The following REG1A variants were observed in gnomAD, a reference collection of about 807,000 sequenced individuals.
REG1A encodes the protein lithostathine-1-alpha.
A neutral mutation model predicts 20.7 loss-of-function variants in REG1A; 20 were observed. The ratio of observed to expected loss-of-function variants is 0.97; its 90% CI spans 0.68 to 1.41. The LOEUF (loss-of-function observed/expected upper bound fraction) is 1.41, where lower values mean the gene tolerates loss of function less well. Ranked by LOEUF, REG1A falls within the 40% of genes most tolerant of loss-of-function variation. The pLI is 0.00. For synonymous variants in REG1A, 90 were observed against 71.6 expected (o/e 1.26, Z -1.30); for missense variants, 193 against 201.8 (o/e 0.96, Z 0.26).
chr2:79,121,359 C>T (rs979886408), intron 2 of REG1A, among the ~76,000 whole-genome samples: 1 of 152,154 alleles, frequency 6.6e-6, no homozygotes. Flanking sequence ...AGACTTGTTT[C>T]TTTGGCCTAT....
intron 5 of REG1A, 33 bp downstream of exon 5, chr2:79,122,985 G>T: frequency 1.3e-6 from 2 of 1,576,428 alleles, no homozygotes; most frequent in South Asian, 1.1e-5. Flanking sequence ...ACCTGTTTCT[G>T]TTCTCTCCTG....
chr2:79,121,976 C>T lies in REG1A; in HGVS notation c.184-12C>T, dbSNP rs768378827. 6.2e-7 allele frequency: 1 copy of T among 1,613,220 alleles called. No homozygotes were observed. The highest frequency in any genetic ancestry group is 1.7e-5 in the Admixed American group (1 of 59,942). On this transcript the variant is annotated splice_polypyrimidine_tract_variant and intron_variant, in intron 3 of 5. Coordinates refer to ENST00000233735, the MANE Select transcript of REG1A (RefSeq NM_002909.5). ...CCTCCTCCACTGAGTGCTCCATTTT[C>T]TTCTGCAACAGCTCTATTGCCAGAA...
At chr2:79,121,034 A>G in intron 2 of REG1A, 109 bp downstream of exon 2, 1 of 869,464 alleles carries the variant, frequency 1.2e-6, no homozygotes, top group Non-Finnish European at 1.8e-6. Flanking sequence ...GTCACTGTTA[A>G]GGGTTGTTTT....
rs920612116 is a variant in REG1A, at chr2:79,123,337, T to C, written c.*122T>C. On this transcript the variant is annotated 3_prime_UTR_variant, in exon 6 of 6. Coordinates refer to ENST00000233735, the MANE Select transcript of REG1A (RefSeq NM_002909.5). The stretch of plus-strand genomic sequence containing the variant: ...ACTCTCTTCTCTGCTGAGTTTGCCT[T>C]GTTAATCTTCAATAGTTTTACCTAC... 2 of 601,156 alleles carry C rather than the reference T, an allele frequency of 3.3e-6. No individual in the cohort carries two copies. Among genetic ancestry groups the C allele is most frequent in the Admixed American group, 6.1e-5 (2 of 32,554 alleles). 37.2% of individuals were successfully genotyped at this position (601,156 alleles called of 1,614,324 possible).
chr2:79,122,871 C>G lies in REG1A; in HGVS notation c.352C>G (p.Leu118Val). ...CCGCTGGCACTGGAGCAGTGGGTCCCTGGTCTCCTACAAGTCCTGGGGCAT... is the reference window on the plus strand; with the variant it reads ...CCGCTGGCACTGGAGCAGTGGGTCCGTGGTCTCCTACAAGTCCTGGGGCAT... The part of the protein sequence containing the change: ...NRRWHWSSGS[L>V]VSYKSWGIGA... The change falls in exon 5 of 6, where the codon CTG becomes GTG. Residue 118 changes from leucine (L) to valine (V), a missense_variant. Physicochemically the swap from Leu to Val is conservative, Grantham distance 32 (BLOSUM62 1). Coordinates refer to ENST00000233735, the MANE Select transcript of REG1A (RefSeq NM_002909.5). 6.2e-7 allele frequency: 1 copy of G among 1,613,718 alleles called. No homozygotes were observed.
rs778044244 is a variant in REG1A, at chr2:79,121,819, C to T, written c.183+139C>T. 2.3e-6 allele frequency: 3 copies of T among 1,332,426 alleles called. No individual in the cohort carries two copies. In the South Asian group the frequency reaches 3.5e-5, roughly 16 times the overall value. 82.5% of individuals were successfully genotyped at this position (1,332,426 alleles called of 1,614,324 possible). On this transcript the variant is annotated intron_variant, in intron 3 of 5. Coordinates refer to ENST00000233735, the MANE Select transcript of REG1A (RefSeq NM_002909.5). ...CATCAGCCCCAAACTTTCCAATCTA[C>T]TTTATCCCATTATTCAGCACATTCC...
At chr2:79,123,055 A>T (rs1014465545) in intron 5 of REG1A, 93 bp from the exon 6 acceptor site, 8 of 1,442,838 alleles carry the variant, frequency 5.5e-6, no homozygotes, top group Non-Finnish European at 6.8e-6. Context: ...CTCATTAAGG[A>T]AATGGATGTT....
Position 79,123,278 on chromosome 2 carries a change from C to A in REG1A, c.*63C>A, listed in dbSNP as rs2104066463. On this transcript the variant is annotated 3_prime_UTR_variant, in exon 6 of 6. Coordinates refer to ENST00000233735, the MANE Select transcript of REG1A (RefSeq NM_002909.5). Reference sequence around the variant, plus strand: ...AATTACAACGGAGTCAAAAATTAAACCGGACCATCTCTCCAACTCAACTCA... The same window carrying A: ...AATTACAACGGAGTCAAAAATTAAAACGGACCATCTCTCCAACTCAACTCA... 1 of 1,066,236 alleles carries A rather than the reference C, an allele frequency of 9.4e-7. No individual in the cohort carries two copies. Among genetic ancestry groups the A allele is most frequent in the South Asian group, 1.4e-5 (1 of 69,880 alleles). The allele number at this position is 1,066,236 out of a possible 1,614,324, so 66.0% of individuals were successfully genotyped here.
chr2:79,123,261 C>T lies in REG1A; in HGVS notation c.*46C>T, dbSNP rs374417047. On this transcript the variant is annotated 3_prime_UTR_variant, in exon 6 of 6. Coordinates refer to ENST00000233735, the MANE Select transcript of REG1A (RefSeq NM_002909.5). The stretch of plus-strand genomic sequence containing the variant: ...TCTAGAACTGATCCAGCAATTACAA[C>T]GGAGTCAAAAATTAAACCGGACCAT... The T allele has an allele frequency of 6.2e-5, 80 of 1,290,192 alleles. No individual in the cohort carries two copies. The highest frequency in any genetic ancestry group is 3.7e-4 in the South Asian group (29 of 77,656). The allele number at this position is 1,290,192 out of a possible 1,614,324, so 79.9% of individuals were successfully genotyped here. A position where few individuals can be genotyped will look rare whatever the true frequency, so the allele number is the denominator to read the frequency against.
In REG1A at chr2:79,121,623, C is replaced by G. The variant is rs1244735643; in HGVS notation, c.126C>G (p.Ala42=). Residue 42 remains alanine, a synonymous_variant, in exon 3 of 6, where the codon GCC becomes GCG. Transcript: ENST00000233735. ...TCAGCTGCCCAGAAGGCACCAATGC[C>G]TATCGCTCCTACTGCTACTACTTTA... The part of the protein sequence containing the change: ...ARISCPEGTN[A]YRSYCYYFNE... 1.2e-6 allele frequency: 2 copies of G among 1,614,128 alleles called. No homozygotes were observed. The highest frequency in any genetic ancestry group is 2.2e-5 in the East Asian group (1 of 44,856).
At chr2:79,122,795 T>C (rs1186444969) in intron 4 of REG1A, 46 bp from the exon 5 acceptor site, 1 of 1,309,170 alleles carries the variant, frequency 7.6e-7, no homozygotes, top group East Asian at 2.3e-5. Flanking sequence ...TGATTCCATG[T>C]ATTTTTGAGT....
At chr2:79,122,242 A>T in intron 4 of REG1A, 117 bp downstream of exon 4, 1 of 1,140,276 alleles carries the variant, frequency 8.8e-7, no homozygotes, top group Admixed American at 2.4e-5. Flanking sequence ...GGCTGTTTAC[A>T]GATCCTCTAA....
At chr2:79,121,746 G>A in intron 3 of REG1A, 66 bp downstream of exon 3, 1 of 1,464,848 alleles carries the variant, frequency 6.8e-7, no homozygotes, top group Non-Finnish European at 9.6e-7. Flanking sequence ...ACTCTCCAGT[G>A]TGTTCAGTGG....
In REG1A at chr2:79,123,242, A is replaced by G. The variant is rs923900497; in HGVS notation, c.*27A>G. On this transcript the variant is annotated 3_prime_UTR_variant, in exon 6 of 6. Coordinates refer to ENST00000233735, the MANE Select transcript of REG1A (RefSeq NM_002909.5). ...GGCAACTGGAAAATACATGTCTAGA[A>G]CTGATCCAGCAATTACAACGGAGTC... The G allele has an allele frequency of 4.8e-6, 7 of 1,462,528 alleles. No individual in the cohort carries two copies. The African/African-American group carries it at 9.8e-5, about 21-fold the overall frequency. The allele number at this position is 1,462,528 out of a possible 1,614,324, so 90.6% of individuals were successfully genotyped here.
In REG1A at chr2:79,123,272, A is replaced by T. The variant is rs1165721429; in HGVS notation, c.*57A>T. 1 of 1,132,570 alleles carries T rather than the reference A, an allele frequency of 8.8e-7. No individual in the cohort carries two copies. The highest frequency in any genetic ancestry group is 1.3e-6 in the Non-Finnish European group (1 of 765,314). 70.2% of individuals were successfully genotyped at this position (1,132,570 alleles called of 1,614,324 possible). The stretch of plus-strand genomic sequence containing the variant: ...TCCAGCAATTACAACGGAGTCAAAA[A>T]TTAAACCGGACCATCTCTCCAACTC... On this transcript the variant is annotated 3_prime_UTR_variant, in exon 6 of 6. Coordinates refer to ENST00000233735, the MANE Select transcript of REG1A (RefSeq NM_002909.5).
At chr2:79,121,790 C>T in intron 3 of REG1A, 110 bp downstream of exon 3, 1 of 1,325,702 alleles carries the variant, frequency 7.5e-7, no homozygotes, top group South Asian at 1.2e-5. Flanking sequence ...CCTTGCTATA[C>T]TATCATCAGC....
At chr2:79,121,758 T>C (rs769516523) in intron 3 of REG1A, 78 bp downstream of exon 3, 2 of 1,401,666 alleles carry the variant, frequency 1.4e-6, no homozygotes, top group South Asian at 2.3e-5. Context: ...GTTCAGTGGC[T>C]GCAATGAGAT....
intron 3 of REG1A, 56 bp downstream of exon 3, chr2:79,121,736 A>G: frequency 6.6e-7 from 1 of 1,523,086 alleles, no homozygotes; most frequent in Non-Finnish European, 9.1e-7. Context: ...GGAAGCTGCC[A>G]CTCTCCAGTG....
rs769075594 is a variant in REG1A at position 79,121,546 on chromosome 2, G to T, written c.65-16G>T. The T allele has an allele frequency of 7.5e-6, 12 of 1,607,148 alleles. No homozygotes were observed. The highest frequency in any genetic ancestry group is 1.3e-5 in the African/African-American group (1 of 74,854). ...CTTACCCTGAGAGCCTCCTTTAATT[G>T]TCTCTTCTTTTTCAGGCCAAGAGGC... On this transcript the variant is annotated splice_polypyrimidine_tract_variant and intron_variant, in intron 2 of 5. Coordinates refer to ENST00000233735, the MANE Select transcript of REG1A (RefSeq NM_002909.5).
Sources: allele counts gnomAD v4.1 joint callset (sites outside exome capture counted in the v4.1 genomes callset), GRCh38; gene constraint gnomAD v4.1.1; transcripts MANE v1.5; gene names NCBI Gene and HGNC (gene_info 2026-07-23, HGNC 2026-07-21).